The following KLHL8 variants were observed in gnomAD, a reference collection of about 807,000 sequenced individuals.
KLHL8 encodes the protein kelch-like protein 8.
In KLHL8, 38 loss-of-function variants were observed where a neutral mutation model predicts 63.5. That is an observed-to-expected ratio of 0.60 (90% CI 0.46 to 0.78). The LOEUF (loss-of-function observed/expected upper bound fraction) is 0.78. KLHL8 is among the 30% of genes least tolerant of loss of function. The probability of loss-of-function intolerance (pLI) is 0.00; values close to 1 mark genes in which losing one functional copy is unlikely to be tolerated. For missense variants in KLHL8, 566 were observed against 752.4 expected, an observed-to-expected ratio of 0.75 and a Z score of 2.90; for synonymous variants, 224 against 254.3, an observed-to-expected ratio of 0.88 and a Z score of 1.13.
intron 1 of KLHL8, among the ~76,000 whole-genome samples, chr4:87,206,197 T>C (rs969841379): frequency 2.0e-5 from 3 of 152,288 alleles, no homozygotes; most frequent in South Asian, 2.1e-4. Context: ...TCTCTCTCAT[T>C]GTACTCCAGT....
At chr4:87,233,681 T>A (rs1237862293) in intron 1 of KLHL8, among the ~76,000 whole-genome samples, 5 of 152,240 alleles carry the variant, frequency 3.3e-5, no homozygotes, top group South Asian at 4.1e-4. Context: ...TTCTGGGACA[T>A]AACGATATTT....
chr4:87,193,369 T>A (rs1235512775), intron 2 of KLHL8, among the ~76,000 whole-genome samples: 1 of 152,220 alleles, frequency 6.6e-6, no homozygotes, highest in Non-Finnish European at 1.5e-5. Context: ...CTCCAGATCC[T>A]GTCCTACTGG....
intron 8 of KLHL8, among the ~76,000 whole-genome samples, chr4:87,165,969 G>T (rs911790413): frequency 3.3e-5 from 5 of 150,932 alleles, no homozygotes; most frequent in Non-Finnish European, 5.9e-5. Flanking sequence ...CTAATTATAA[G>T]GGTCCAAAAG....
At chr4:87,223,306 T>TA (rs1440039490), upstream of KLHL8, among the ~76,000 whole-genome samples, 1 of 152,140 alleles carries the variant, frequency 6.6e-6, no homozygotes, top group African/African-American at 2.4e-5. Context: ...CAGTAACTCC[T>TA]AAAAATGCTT....
In KLHL8 at chr4:87,220,502, G is replaced by C. The variant is rs1578407194; in HGVS notation, c.-236C>G. 6.6e-6 allele frequency: 1 copy of C among 152,270 alleles called. No homozygotes were observed. The highest frequency in any genetic ancestry group is 2.1e-4 in the South Asian group (1 of 4,836). The allele number at this position is 152,270 out of a possible 1,614,324, so 9.4% of individuals were successfully genotyped here. On this transcript the variant is annotated 5_prime_UTR_variant, in exon 1 of 10. Coordinates refer to ENST00000273963, the MANE Select transcript of KLHL8 (RefSeq NM_020803.5). The stretch of plus-strand genomic sequence containing the variant: ...CCCAGAGCCCCGGCCGCCCTCAGCG[G>C]AACCTCACCAACCCCGCGCGAGCAC...
At chr4:87,215,453 A>G (rs1366234633) in intron 1 of KLHL8, among the ~76,000 whole-genome samples, 1 of 152,224 alleles carries the variant, frequency 6.6e-6, no homozygotes, top group African/African-American at 2.4e-5. Flanking sequence ...TTGAACTTTG[A>G]AAAACATTTC....
intron 1 of KLHL8, among the ~76,000 whole-genome samples, chr4:87,235,797 T>C (rs7673346): frequency 0.065 from 9,782 of 151,354 alleles, 1,024 homozygotes; most frequent in African/African-American, 0.22. Context: ...ACCCGAGGGG[T>C]AAACAGGACC....
intron 1 of KLHL8, chr4:87,207,805 T>C (rs1373091685): frequency 6.1e-6 from 6 of 991,218 alleles, no homozygotes; most frequent in Admixed American, 1.8e-5. Context: ...TGCCAAGGTG[T>C]CGGTCATTAA....
At chr4:87,164,981 T>C (rs372088546) in intron 8 of KLHL8, among the ~76,000 whole-genome samples, 20 of 151,836 alleles carry the variant, frequency 1.3e-4, no homozygotes, top group African/African-American at 4.8e-4. Context: ...ACCCCGTCTC[T>C]ACTAAAAATA....
upstream of KLHL8, chr4:87,221,411 A>AG (rs1292720626): frequency 6.6e-6 from 1 of 151,190 alleles, no homozygotes; most frequent in Non-Finnish European, 1.5e-5. Context: ...AAAAAAAAAA[A>AG]AAAAAAGCAA....
chr4:87,177,162 T>C (rs1730856122), intron 5 of KLHL8, among the ~76,000 whole-genome samples: 2 of 152,206 alleles, frequency 1.3e-5, no homozygotes, highest in South Asian at 2.1e-4. Context: ...TCACTAATCA[T>C]GCCTTCAGAG....
At chr4:87,199,898 CACTGGTAGGCTGAT>C (rs1181610058) in intron 1 of KLHL8, among the ~76,000 whole-genome samples, 1 of 151,692 alleles carries the variant, frequency 6.6e-6, no homozygotes, top group Non-Finnish European at 1.5e-5. Flanking sequence ...ATAATCTCAA[CACTGGTAGGCTGAT>C]ACTCGAGGAT....
At chr4:87,176,927 G>C (rs577907500) in intron 5 of KLHL8, 59 bp from the exon 6 acceptor site, 25 of 819,274 alleles carry the variant, frequency 3.1e-5, no homozygotes, top group Non-Finnish European at 4.8e-5. Context: ...TATCATTAAT[G>C]TTACATATAT....
At position 87,195,608 on chromosome 4, in the gene KLHL8, G is replaced by C; in HGVS notation, c.-69C>G. On this transcript the variant is annotated 5_prime_UTR_variant, in exon 2 of 10. Transcript: ENST00000273963. ...CATTTATTTTTTTTCAAAGGGTAGA[G>C]AGAAGGCAGAAGGTAGATGTAGACA... 3 of 1,314,396 alleles carry C rather than the reference G, an allele frequency of 2.3e-6. No individual in the cohort carries two copies. The highest frequency in any genetic ancestry group is 1.5e-5 in the African/African-American group (1 of 68,264). The allele number at this position is 1,314,396 out of a possible 1,614,324, so 81.4% of individuals were successfully genotyped here.
chr4:87,163,465 G>GT lies in KLHL8; in HGVS notation c.*53dup, dbSNP rs1560686331. 1.3e-6 allele frequency: 2 copies of GT among 1,578,388 alleles called. No individual in the cohort carries two copies. The highest frequency in any genetic ancestry group is 2.7e-5 in the African/African-American group (2 of 73,728). ...GAAAGGTGGTCATATCAAAATCTTGGTTTTCTTTTGTACCTATCAGATATG... is the reference window on the plus strand; with the variant it reads ...GAAAGGTGGTCATATCAAAATCTTGGTTTTTCTTTTGTACCTATCAGATATG... On this transcript the variant is annotated 3_prime_UTR_variant, in exon 10 of 10. Transcript: ENST00000273963.
chr4:87,168,680 A>G (rs1250893128), intron 8 of KLHL8, among the ~76,000 whole-genome samples: 1 of 148,300 alleles, frequency 6.7e-6, no homozygotes, highest in East Asian at 2.0e-4. Context: ...GTGTGTATAT[A>G]TGTGTGTATA....
intron 8 of KLHL8, among the ~76,000 whole-genome samples, chr4:87,165,394 T>TTTTTG (rs1014590237): frequency 3.3e-5 from 5 of 151,964 alleles, no homozygotes; most frequent in Non-Finnish European, 4.4e-5. Flanking sequence ...TTTTTTTAAA[T>TTTTTG]TTTTGTTTTG....
intron 1 of KLHL8, among the ~76,000 whole-genome samples, chr4:87,230,890 A>C (rs1031436419): frequency 6.6e-6 from 1 of 152,226 alleles, no homozygotes; most frequent in Non-Finnish European, 1.5e-5. Context: ...CCTAGATGTT[A>C]GGATTTTTTG....
chr4:87,237,618 A>T (rs530769828), intron 1 of KLHL8, among the ~76,000 whole-genome samples: 65 of 152,198 alleles, frequency 4.3e-4, no homozygotes, highest in Non-Finnish European at 8.2e-4. Context: ...GCACGAGCCC[A>T]GGAGTTAGAG....
Sources: allele counts gnomAD v4.1 joint callset (sites outside exome capture counted in the v4.1 genomes callset), GRCh38; gene constraint gnomAD v4.1.1; transcripts MANE v1.5; gene names NCBI Gene and HGNC (gene_info 2026-07-23, HGNC 2026-07-21).